The following HTR6 variants were observed in gnomAD, a reference collection of about 807,000 sequenced individuals.
HTR6 encodes 5-hydroxytryptamine receptor 6, also known as 5-hydroxytryptamine (serotonin) receptor 6, G protein-coupled.
Under a neutral mutation model 17.4 loss-of-function variants are expected in HTR6, and 15 were observed. That is an observed-to-expected ratio of 0.86 (90% CI 0.58 to 1.33). The LOEUF is 1.33. Among genes scored for constraint, HTR6 ranks in the 40% most tolerant of loss-of-function variants. HTR6 has a pLI of 0.00. For missense variants in HTR6, 578 were observed against 616.0 expected, an observed-to-expected ratio of 0.94 and a Z score of 0.65; for synonymous variants, 326 against 295.5, an observed-to-expected ratio of 1.10 and a Z score of -1.06.
intron 1 of HTR6, among the ~76,000 whole-genome samples, chr1:19,667,466 A>C (rs1355637526): frequency 6.6e-6 from 1 of 151,258 alleles, no homozygotes; most frequent in East Asian, 1.9e-4. Flanking sequence ...CCCAGGCTGG[A>C]GGGCAGTGGT....
At chr1:19,675,143 T>A (rs1431034311) in intron 1 of HTR6, among the ~76,000 whole-genome samples, 1 of 151,838 alleles carries the variant, frequency 6.6e-6, no homozygotes, top group Non-Finnish European at 1.5e-5. Flanking sequence ...GTGGGCAGAG[T>A]GGTGTTCCTG....
chr1:19,668,313 T>C (rs896122821), intron 1 of HTR6, among the ~76,000 whole-genome samples: 4 of 152,146 alleles, frequency 2.6e-5, no homozygotes, highest in Admixed American at 6.5e-5. Context: ...GGCTGGAATG[T>C]AGTGGCGTGA....
In HTR6 at chr1:19,678,990, G is replaced by A; in HGVS notation, c.945G>A (p.Met315Ile). The A allele has an allele frequency of 6.2e-7, 1 of 1,614,122 alleles. No individual in the cohort carries two copies. Among genetic ancestry groups the A allele is most frequent in the Non-Finnish European group, 8.5e-7 (1 of 1,180,010 alleles). Residue 315 changes from methionine to isoleucine, a missense_variant, in exon 3 of 3, where the codon ATG becomes ATA. By Grantham distance (10) the Met-to-Ile change is conservative. Coordinates refer to ENST00000289753, the MANE Select transcript of HTR6 (RefSeq NM_000871.3). ...LTWLGYCNST[M>I]NPIIYPLFMR... is the part of the protein sequence containing the mutation. ...GGCTGGGTTACTGTAACAGCACCATGAACCCCATCATCTACCCACTCTTCA... is the reference window on the plus strand; with the variant it reads ...GGCTGGGTTACTGTAACAGCACCATAAACCCCATCATCTACCCACTCTTCA...
intron 1 of HTR6, among the ~76,000 whole-genome samples, chr1:19,675,750 G>A (rs2095093620): frequency 6.6e-6 from 1 of 152,040 alleles, no homozygotes; most frequent in South Asian, 2.1e-4. Flanking sequence ...CCCTCTCCAT[G>A]CCGTCTATTC....
chr1:19,675,470 C>T (rs1389226299), intron 1 of HTR6, among the ~76,000 whole-genome samples: 1 of 152,122 alleles, frequency 6.6e-6, no homozygotes, highest in Non-Finnish European at 1.5e-5. Flanking sequence ...TCTCTTTCCT[C>T]TTCCCTGTGT....
intron 1 of HTR6, among the ~76,000 whole-genome samples, chr1:19,676,640 A>C (rs1158335687): frequency 1.3e-5 from 2 of 152,290 alleles, no homozygotes; most frequent in East Asian, 1.9e-4. Context: ...CCGGGGCTGG[A>C]GGAGAGGGCA....
chr1:19,664,935 C>T lies in HTR6; in HGVS notation c.-819C>T, dbSNP rs1300723059. On this transcript the variant is annotated 5_prime_UTR_variant, in exon 1 of 3. Coordinates refer to ENST00000289753, the MANE Select transcript of HTR6 (RefSeq NM_000871.3). This position sits in a 1 kb window ranked among gnomAD's most constrained non-coding sequence, Gnocchi z 4.7. ...GCGGCGCCTCCCGGGCTCGGGAGAC[C>T]CGGTCCCGCCGCCCGCCCGGCCCGC... 6.7e-6 allele frequency among the ~76,000 whole-genome samples: 1 copy of T among 149,752 alleles called. No homozygotes were observed. Among genetic ancestry groups the T allele is most frequent in the African/African-American group, 2.4e-5 (1 of 41,186 alleles).
chr1:19,673,367 C>T (rs1309202595), intron 1 of HTR6, among the ~76,000 whole-genome samples: 2 of 152,212 alleles, frequency 1.3e-5, no homozygotes, highest in African/African-American at 4.8e-5. Flanking sequence ...AGTCTGGCTC[C>T]AGAGTCTGTC....
At chr1:19,673,391 A>T (rs143881785) in intron 1 of HTR6, among the ~76,000 whole-genome samples, 1 of 152,324 alleles carries the variant, frequency 6.6e-6, no homozygotes, top group Non-Finnish European at 1.5e-5. Flanking sequence ...TAACTCTCAC[A>T]CTATGATCAG....
intron 1 of HTR6, among the ~76,000 whole-genome samples, chr1:19,667,411 T>TTGTTTC (rs2095082915): frequency 6.6e-6 from 1 of 152,094 alleles, no homozygotes; most frequent in South Asian, 2.1e-4. Flanking sequence ...GCTTTTTTTT[T>TTGTTTC]TGTTTTTGTT....
Position 19,665,776 on chromosome 1 carries a change from C to T in HTR6, c.23C>T (p.Thr8Ile), listed in dbSNP as rs762619989. 3.9e-5 allele frequency: 58 copies of T among 1,499,320 alleles called. No individual in the cohort carries two copies. In the Middle Eastern group the frequency reaches 1.1e-3, roughly 28 times the overall value. 92.9% of individuals were successfully genotyped at this position (1,499,320 alleles called of 1,614,324 possible). A position where few individuals can be genotyped will look rare whatever the true frequency, so the allele number is the denominator to read the frequency against. The change falls in exon 1 of 3, where the codon ACC becomes ATC. Residue 8 changes from threonine to isoleucine, a missense_variant. By Grantham distance (89) the Thr-to-Ile change is moderately conservative. Transcript: ENST00000289753. The surrounding 1 kb of genome is among the most constrained non-coding windows in gnomAD (Gnocchi z 4.2). ...CTCATGGTCCCAGAGCCGGGCCCAA[C>T]CGCCAATAGCACCCCGGCCTGGGGG... MVPEPGP[T>I]ANSTPAWGAG...
chr1:19,667,497 C>T (rs2095083027), intron 1 of HTR6, among the ~76,000 whole-genome samples: 1 of 152,012 alleles, frequency 6.6e-6, no homozygotes. Flanking sequence ...CTCACTGCAA[C>T]CTCTGCCTCA....
rs2095082436 is a variant in HTR6, at chr1:19,666,995, C to T, written c.714+528C>T. On this transcript the variant is annotated intron_variant, in intron 1 of 2. Transcript: ENST00000289753. The surrounding 1 kb of genome is among the most constrained non-coding windows in gnomAD (Gnocchi z 4.5). ...TTAAAAAAGAAGTGATCATGTCACTCCCCTGCTTCAGACTCTTCAGGCTTC... is the reference window on the plus strand; with the variant it reads ...TTAAAAAAGAAGTGATCATGTCACTTCCCTGCTTCAGACTCTTCAGGCTTC... Among the ~76,000 whole-genome samples the T allele has an allele frequency of 6.6e-6, 1 of 152,108 alleles. No homozygotes were observed. The highest frequency in any genetic ancestry group is 2.1e-4 in the South Asian group (1 of 4,824).
Position 19,679,213 on chromosome 1 carries a change from T to G in HTR6, c.1168T>G (p.Ser390Ala), listed in dbSNP as rs773994478. Residue 390 changes from serine (S) to alanine (A), a missense_variant, in exon 3 of 3, where the codon TCG becomes GCG. Ser to Ala is a moderately conservative substitution (Grantham distance 99, BLOSUM62 1). Transcript: ENST00000289753. The surrounding 1 kb of genome is among the most constrained non-coding windows in gnomAD (Gnocchi z 4.9). ...CTCAGACGCAGGCTCAGGCGGCTCCTCGGGCCTGCGGCTCACGGCCCAGCT... is the reference window on the plus strand; with the variant it reads ...CTCAGACGCAGGCTCAGGCGGCTCCGCGGGCCTGCGGCTCACGGCCCAGCT... ...SDSDAGSGGS[S>A]GLRLTAQLLL... The G allele has an allele frequency of 1.3e-6, 2 of 1,568,202 alleles. No individual in the cohort carries two copies. Among genetic ancestry groups the G allele is most frequent in the East Asian group, 4.8e-5 (2 of 41,888 alleles).
chr1:19,675,037 C>G (rs978212299), intron 1 of HTR6, among the ~76,000 whole-genome samples: 4 of 152,176 alleles, frequency 2.6e-5, no homozygotes, highest in Non-Finnish European at 5.9e-5. Flanking sequence ...GGCTTCTGCT[C>G]CATGAGGGCC....
chr1:19,670,728 T>A (rs1391904337), intron 1 of HTR6, among the ~76,000 whole-genome samples: 3 of 152,164 alleles, frequency 2.0e-5, no homozygotes, highest in Non-Finnish European at 4.4e-5. Flanking sequence ...CTTTCCAAAG[T>A]GCTAGGATTA....
intron 2 of HTR6, 60 bp downstream of exon 2, chr1:19,678,785 GC>G (rs1364347641): frequency 6.4e-7 from 1 of 1,573,776 alleles, no homozygotes; most frequent in African/African-American, 1.3e-5. Context: ...CTGGATCCCA[GC>G]CCAGGCATGG....
chr1:19,666,128 C>G lies in HTR6; in HGVS notation c.375C>G (p.Tyr125Ter). Residue 125 changes from tyrosine (Y) to a stop codon, truncating the protein, a stop_gained, in exon 1 of 3, where the codon TAC becomes TAG. Transcript: ENST00000289753. LOFTEE classifies it high-confidence loss of function. This position sits in a 1 kb window ranked among gnomAD's most constrained non-coding sequence, Gnocchi z 4.5. ...LNLCLISLDR[Y>*]LLILSPLRYK... The stretch of plus-strand genomic sequence containing the variant: ...TCTGCCTCATCAGCCTGGACCGCTA[C>G]CTGCTCATCCTCTCGCCGCTGCGCT... The G allele has an allele frequency of 1.2e-6, 2 of 1,612,262 alleles. No individual in the cohort carries two copies. Among genetic ancestry groups the G allele is most frequent in the Middle Eastern group, 1.6e-4 (1 of 6,062 alleles).
At position 19,678,700 on chromosome 1, in the gene HTR6, CCTT is replaced by C; in HGVS notation, c.852_854del (p.Phe285del). On this transcript the variant is annotated inframe_deletion, in exon 2 of 3. Coordinates refer to ENST00000289753, the MANE Select transcript of HTR6 (RefSeq NM_000871.3). ...GGCATGTTCTTTGTGACCTGGTTGC[CCTT>C]CTTTGTGGCCAACATAGTCCAGGTA... is the stretch of plus-strand genomic sequence containing the variant. 6.2e-7 allele frequency: 1 copy of C among 1,612,418 alleles called. No individual in the cohort carries two copies. The highest frequency in any genetic ancestry group is 8.5e-7 in the Non-Finnish European group (1 of 1,178,714).
Sources: allele counts gnomAD v4.1 joint callset (sites outside exome capture counted in the v4.1 genomes callset), GRCh38; gene constraint gnomAD v4.1.1; non-coding constraint Gnocchi (gnomAD v3.1); transcripts MANE v1.5; gene names NCBI Gene and HGNC (gene_info 2026-07-23, HGNC 2026-07-21).